The following ZEB1 variants were observed in gnomAD, a reference collection of about 807,000 sequenced individuals.
ZEB1 encodes the protein zinc finger E-box binding homeobox 1, also known as zinc finger E-box-binding homeobox 1.
A neutral mutation model predicts 84.9 loss-of-function variants in ZEB1; 21 were observed. The observed-to-expected ratio is 0.25, with a 90% CI of 0.18 to 0.36. ZEB1 has a LOEUF of 0.36. Among genes scored for constraint, ZEB1 ranks in the 10% least tolerant of loss-of-function variants. The pLI is 1.00. For synonymous variants in ZEB1, 420 were observed against 471.1 expected (o/e 0.89, Z 1.41); for missense variants, 1,104 against 1,330.2 (o/e 0.83, Z 2.65).
chr10:31,411,737 G>A (rs902227666), intron 1 of ZEB1, among the ~76,000 whole-genome samples: 6 of 149,350 alleles, frequency 4.0e-5, no homozygotes, highest in South Asian at 2.1e-4. Context: ...AACTAAAATC[G>A]ACACCCTAAC....
At chr10:31,406,450 G>T (rs1351683129) in intron 1 of ZEB1, among the ~76,000 whole-genome samples, 1 of 149,566 alleles carries the variant, frequency 6.7e-6, no homozygotes, top group East Asian at 1.9e-4. Context: ...CAGTGATGAT[G>T]AGTTTTTTTT....
chr10:31,349,560 C>T (rs538789455), intron 1 of ZEB1, among the ~76,000 whole-genome samples: 45 of 152,292 alleles, frequency 3.0e-4, no homozygotes, highest in African/African-American at 1.1e-3. Flanking sequence ...GTTTCCTTCT[C>T]TCTGCATCCT....
chr10:31,520,378 C>T lies in ZEB1; in HGVS notation c.1046C>T (p.Thr349Ile), dbSNP rs1261366908. The T allele has an allele frequency of 6.2e-7, 1 of 1,613,826 alleles. No homozygotes were observed. The highest frequency in any genetic ancestry group is 2.2e-5 in the East Asian group (1 of 44,852). ...CAACTTTCTGTTAACCAAATTAAAACTGAACCTGTGGATTATGAATTCAAA... is the reference window on the plus strand; with the variant it reads ...CAACTTTCTGTTAACCAAATTAAAATTGAACCTGTGGATTATGAATTCAAA... ...QEQLSVNQIK[T>I]EPVDYEFKPI... is the part of the protein sequence containing the mutation. Residue 349 changes from threonine (T) to isoleucine (I), a missense_variant, in exon 7 of 9, where the codon ACT becomes ATT. Physicochemically the swap from Thr to Ile is moderately conservative, Grantham distance 89. Coordinates refer to ENST00000424869, the MANE Select transcript of ZEB1 (RefSeq NM_001174096.2). The surrounding 1 kb of genome is among the most constrained non-coding windows in gnomAD (Gnocchi z 5.1).
At chr10:31,470,948 A>G (rs1033144133) in intron 2 of ZEB1, among the ~76,000 whole-genome samples, 1 of 137,402 alleles carries the variant, frequency 7.3e-6, no homozygotes, top group African/African-American at 2.8e-5. Context: ...CCAGAATTTC[A>G]TATCCAGCCA....
intron 1 of ZEB1, among the ~76,000 whole-genome samples, chr10:31,356,489 TTC>T (rs2042147081): frequency 6.6e-6 from 1 of 152,114 alleles, no homozygotes; most frequent in East Asian, 1.9e-4. Context: ...ACCCTTTTGT[TTC>T]AAATAGCTTT....
rs2072341518 is a variant in ZEB1 at position 31,521,419 on chromosome 10, C to T, written c.2087C>T (p.Thr696Ile). The change falls in exon 7 of 9, where the codon ACC (threonine) becomes ATC (isoleucine). Residue 696 changes from threonine (T) to isoleucine (I), a missense_variant. Transcript: ENST00000424869. ...NSPVLPVGST[T>I]NGSRSSTPSP... is the part of the protein sequence containing the mutation. The stretch of plus-strand genomic sequence containing the variant: ...CCAGTTTTACCAGTGGGATCAACCA[C>T]CAATGGTTCCAGAAGTAGTACACCA... 1 of 1,613,970 alleles carries T rather than the reference C, an allele frequency of 6.2e-7. No homozygotes were observed. Among genetic ancestry groups the T allele is most frequent in the Admixed American group, 1.7e-5 (1 of 59,992 alleles).
intron 1 of ZEB1, among the ~76,000 whole-genome samples, chr10:31,324,353 G>A (rs1255374575): frequency 6.6e-6 from 1 of 151,976 alleles, no homozygotes; most frequent in Admixed American, 6.5e-5. Flanking sequence ...TAAAATAAGA[G>A]CATAATGATT....
intron 1 of ZEB1, among the ~76,000 whole-genome samples, chr10:31,435,666 A>G (rs1239139446): frequency 6.6e-6 from 1 of 152,140 alleles, no homozygotes; most frequent in Non-Finnish European, 1.5e-5. Context: ...AAGGCTTGCC[A>G]TTTACAAAGA....
chr10:31,440,072 G>A (rs1484701458), intron 1 of ZEB1, among the ~76,000 whole-genome samples: 1 of 152,128 alleles, frequency 6.6e-6, no homozygotes, highest in African/African-American at 2.4e-5. Context: ...ATTGGTAGTG[G>A]GTGGTCAGAT....
chr10:31,389,981 C>T (rs1015247299), intron 1 of ZEB1, among the ~76,000 whole-genome samples: 2 of 152,090 alleles, frequency 1.3e-5, no homozygotes, highest in African/African-American at 4.8e-5. Flanking sequence ...GTGGAATTCT[C>T]ATTTTAGCCT....
At chr10:31,319,169 G>C, upstream of ZEB1, 1 of 1,127,526 alleles carries the variant, frequency 8.9e-7, no homozygotes, top group Non-Finnish European at 1.2e-6. Flanking sequence ...GAGGCGGAGG[G>C]GTGGGGGGGA....
chr10:31,414,345 A>G (rs764961652), intron 1 of ZEB1, among the ~76,000 whole-genome samples: 9 of 152,160 alleles, frequency 5.9e-5, no homozygotes, highest in Non-Finnish European at 1.3e-4. Flanking sequence ...GTGTTTGCCA[A>G]AATTTTTGGT....
chr10:31,518,932 T>C (rs2071721155), intron 6 of ZEB1, among the ~76,000 whole-genome samples: 1 of 152,188 alleles, frequency 6.6e-6, no homozygotes. Flanking sequence ...AACTATAGCA[T>C]TGAAGTTACT....
intron 1 of ZEB1, among the ~76,000 whole-genome samples, chr10:31,342,841 C>A (rs2039641406): frequency 6.6e-6 from 1 of 152,030 alleles, no homozygotes; most frequent in Non-Finnish European, 1.5e-5. Context: ...AATATAAATA[C>A]AAAAGTTTCA....
chr10:31,511,299 GTT>G (rs1336017704), intron 5 of ZEB1, among the ~76,000 whole-genome samples: 5 of 152,118 alleles, frequency 3.3e-5, no homozygotes, highest in Admixed American at 6.5e-5. Flanking sequence ...CTTTGAACCA[GTT>G]ACTATTTATT....
intron 8 of ZEB1, among the ~76,000 whole-genome samples, chr10:31,525,017 A>G (rs886578723): frequency 1.3e-5 from 2 of 152,330 alleles, no homozygotes; most frequent in South Asian, 2.1e-4. Flanking sequence ...ATGTTTTTCT[A>G]TGAGGTAAGA....
intron 1 of ZEB1, among the ~76,000 whole-genome samples, chr10:31,391,231 T>TTGTGTG (rs780805467): frequency 0.033 from 4,385 of 134,670 alleles, 72 homozygotes; most frequent in East Asian, 0.06. Flanking sequence ...ACAGGTAAGT[T>TTGTGTG]TGTGTGTGTG....
In ZEB1 at chr10:31,493,209, T is replaced by C. The variant is rs141421092; in HGVS notation, c.260-2567T>C. On this transcript the variant is annotated intron_variant, in intron 2 of 8. Transcript: ENST00000424869. ...GAAGAAAGTTACATAAATGAAATCA[T>C]ACAGTATGTAACCTTTTAGACTGAC... 5.9e-5 allele frequency among the ~76,000 whole-genome samples: 9 copies of C among 152,150 alleles called. No homozygotes were observed. The East Asian group carries it at 1.7e-3, about 29-fold the overall frequency.
chr10:31,525,181 C>T (rs2073189015), intron 8 of ZEB1, among the ~76,000 whole-genome samples: 2 of 152,174 alleles, frequency 1.3e-5, no homozygotes, highest in South Asian at 4.1e-4. Context: ...TACATTTTGT[C>T]TATGTCAGCT....
Sources: allele counts gnomAD v4.1 joint callset (sites outside exome capture counted in the v4.1 genomes callset), GRCh38; gene constraint gnomAD v4.1.1; non-coding constraint Gnocchi (gnomAD v3.1); transcripts MANE v1.5; gene names NCBI Gene and HGNC (gene_info 2026-07-23, HGNC 2026-07-21).